The following LARS1 variants were observed in gnomAD, a reference collection of about 807,000 sequenced individuals.
LARS1 encodes the protein leucyl-tRNA synthetase 1.
LARS1 carries 100 observed loss-of-function variants against 162.8 expected under a neutral mutation model. That is an observed-to-expected ratio of 0.61 (90% CI 0.52 to 0.73). The LOEUF is 0.73. Ranked by LOEUF, LARS1 falls within the 30% of genes least tolerant of loss-of-function variation. The probability of loss-of-function intolerance (pLI) is 0.00; values close to 1 mark genes in which losing one functional copy is unlikely to be tolerated. For missense variants in LARS1, 1,258 were observed against 1,408.9 expected (o/e 0.89, Z 1.71); for synonymous variants, 457 against 462.8 (o/e 0.99, Z 0.16).
At chr5:146,165,350 C>T (rs1207624465) in intron 5 of LARS1, among the ~76,000 whole-genome samples, 1 of 151,226 alleles carries the variant, frequency 6.6e-6, no homozygotes, top group African/African-American at 2.4e-5. Flanking sequence ...ACAACAACAA[C>T]AATAATAAAA....
intron 15 of LARS1, among the ~76,000 whole-genome samples, chr5:146,147,099 C>A (rs186816305): frequency 9.2e-5 from 14 of 152,236 alleles, no homozygotes; most frequent in Admixed American, 9.2e-4. Flanking sequence ...AACTTAACAA[C>A]CGGGAGTCGC....
At chr5:146,179,515 C>G (rs989666441) in intron 1 of LARS1, among the ~76,000 whole-genome samples, 5 of 152,084 alleles carry the variant, frequency 3.3e-5, no homozygotes, top group Non-Finnish European at 7.4e-5. Flanking sequence ...CCCACAAAGG[C>G]AAAAGTATGT....
chr5:146,147,597 T>C (rs1753070937), intron 15 of LARS1, among the ~76,000 whole-genome samples: 1 of 151,800 alleles, frequency 6.6e-6, no homozygotes, highest in South Asian at 2.1e-4. Flanking sequence ...CACACACAAA[T>C]AGTAAATAAA....
chr5:146,153,300 CAAAGTTTCTTA>C lies in LARS1; in HGVS notation c.1231-84_1231-74del, dbSNP rs1189320697. 9.4e-6 allele frequency: 10 copies of C among 1,062,460 alleles called. No individual in the cohort carries two copies. The Admixed American group carries it at 1.1e-4, about 12-fold the overall frequency. The allele number at this position is 1,062,460 out of a possible 1,614,324, so 65.8% of individuals were successfully genotyped here. ...GAGAATCATTGAGAGAAGCAATCTC[CAAAGTTTCTTA>C]AAAGTTTCTTTAAAGTTTCTATTTG... On this transcript the variant is annotated intron_variant, in intron 12 of 31. Transcript: ENST00000394434.
chr5:146,134,717 G>C (rs779813353), intron 22 of LARS1, among the ~76,000 whole-genome samples: 6 of 152,350 alleles, frequency 3.9e-5, no homozygotes, highest in South Asian at 2.1e-4. Context: ...GGAAGGCCAA[G>C]GAGGGTGGAT....
intron 27 of LARS1, 45 bp downstream of exon 27, chr5:146,128,627 A>G: frequency 7.9e-7 from 1 of 1,264,262 alleles, no homozygotes; most frequent in Non-Finnish European, 1.1e-6. Flanking sequence ...CAACATAGGG[A>G]GCATACAACA....
intron 2 of LARS1, among the ~76,000 whole-genome samples, chr5:146,175,605 C>A (rs113054461): frequency 0.016 from 2,479 of 150,844 alleles, 43 homozygotes; most frequent in Non-Finnish European, 0.025. Context: ...TTTGGAAGGC[C>A]GAGGCAGGCA....
At chr5:146,120,581 C>T in intron 30 of LARS1, 78 bp from the exon 31 acceptor site, 1 of 1,375,572 alleles carries the variant, frequency 7.3e-7, no homozygotes. Flanking sequence ...GTTTTCAATG[C>T]CCAATGAAAG....
In LARS1 at chr5:146,157,506, C is replaced by A. The variant is rs1490192683; in HGVS notation, c.962G>T (p.Gly321Val). The A allele has an allele frequency of 1.2e-6, 2 of 1,613,992 alleles. No individual in the cohort carries two copies. The highest frequency in any genetic ancestry group is 2.7e-5 in the African/African-American group (2 of 74,916). Residue 321 changes from glycine to valine, a missense_variant, in exon 10 of 32, where the codon GGT (glycine) becomes GTT (valine). Physicochemically the swap from Gly to Val is moderately radical, Grantham distance 109. Transcript: ENST00000394434. Reference protein sequence around the residue: ...MKYIGFETVNGDIFICTQKAA... With the variant: ...MKYIGFETVNVDIFICTQKAA... ...TTTTTGGGTACAGATGAATATATCA[C>A]CATTCACCGTCTCAAATCCAATGTA...
At chr5:146,133,908 G>A (rs936154713) in intron 22 of LARS1, among the ~76,000 whole-genome samples, 5 of 152,142 alleles carry the variant, frequency 3.3e-5, no homozygotes, top group Non-Finnish European at 7.4e-5. Context: ...GCAATGGCGC[G>A]ATCTCGGCTC....
chr5:146,130,286 A>T, intron 24 of LARS1, 128 bp from the exon 25 acceptor site: 1 of 865,578 alleles, frequency 1.2e-6, no homozygotes, highest in Non-Finnish European at 1.8e-6. Flanking sequence ...ATAACAAATT[A>T]CTGTAAAGGT....
In LARS1 at chr5:146,160,418, T is replaced by A; in HGVS notation, c.663A>T (p.Gln221His). ...TGTTTCTTTCTCTTAATGTTAAAAA[T>A]TGCCATCTGACAAATGAATCATAGT... ...NPYYDSFVRW[Q>H]FLTLRERNKI... is the part of the protein sequence containing the mutation. The change falls in exon 7 of 32, where the codon CAA (glutamine) becomes CAT (histidine). Residue 221 changes from glutamine to histidine, a missense_variant. By Grantham distance (24) the Gln-to-His change is conservative. Coordinates refer to ENST00000394434, the MANE Select transcript of LARS1 (RefSeq NM_020117.11). 6.3e-7 allele frequency: 1 copy of A among 1,583,132 alleles called. No homozygotes were observed. Among genetic ancestry groups the A allele is most frequent in the Non-Finnish European group, 8.6e-7 (1 of 1,165,964 alleles).
At position 146,132,900 on chromosome 5, in the gene LARS1, G is replaced by A; in HGVS notation, c.2394C>T (p.Ala798=). Residue 798 remains alanine, a splice_region_variant and synonymous_variant, in exon 23 of 32, where the codon GCC becomes GCT. Transcript: ENST00000394434. ...PASTFNDRVF[A]SELNAGIIKT... is the part of the protein sequence containing the mutation. ...AATGATTGGGATCTACAGATTACCT[G>A]GCAAAAACTCTATCATTGAAAGTGC... 2 of 1,612,610 alleles carry A rather than the reference G, an allele frequency of 1.2e-6. No individual in the cohort carries two copies. The highest frequency in any genetic ancestry group is 1.7e-6 in the Non-Finnish European group (2 of 1,179,012).
intron 4 of LARS1, among the ~76,000 whole-genome samples, chr5:146,170,665 T>C (rs1754224649): frequency 6.6e-6 from 1 of 152,134 alleles, no homozygotes. Flanking sequence ...CACGTCATGA[T>C]ATCTGCAACT....
intron 23 of LARS1, chr5:146,132,607 T>C (rs1438192504): frequency 1.9e-4 from 43 of 225,914 alleles, no homozygotes; most frequent in Non-Finnish European, 5.1e-5. Flanking sequence ...AACTACTAGC[T>C]TTAAGGCATT....
intron 4 of LARS1, among the ~76,000 whole-genome samples, chr5:146,169,423 A>G (rs1754161066): frequency 6.6e-6 from 1 of 152,238 alleles, no homozygotes; most frequent in Non-Finnish European, 1.5e-5. Flanking sequence ...ATTCAGAAGA[A>G]TTTCAACCAC....
intron 6 of LARS1, 119 bp from the exon 7 acceptor site, chr5:146,160,605 A>C (rs889571165): frequency 7.5e-5 from 37 of 495,110 alleles, no homozygotes; most frequent in Non-Finnish European, 1.2e-4. Flanking sequence ...ACTATTAAAA[A>C]TAATTTTCCA....
chr5:146,171,110 A>T (rs563987775), intron 4 of LARS1, among the ~76,000 whole-genome samples: 66 of 152,102 alleles, frequency 4.3e-4, no homozygotes, highest in African/African-American at 1.6e-3. Context: ...TAATCCCAGC[A>T]CTTTGGAAGG....
chr5:146,133,919 A>G (rs1752400715), intron 22 of LARS1, among the ~76,000 whole-genome samples: 1 of 152,202 alleles, frequency 6.6e-6, no homozygotes, highest in African/African-American at 2.4e-5. Context: ...ATCTCGGCTC[A>G]GTGCAACCTC....
Sources: allele counts gnomAD v4.1 joint callset (sites outside exome capture counted in the v4.1 genomes callset), GRCh38; gene constraint gnomAD v4.1.1; transcripts MANE v1.5; gene names NCBI Gene and HGNC (gene_info 2026-07-23, HGNC 2026-07-21).